Variants in GLI2 observed in about 807,000 individuals in gnomAD.
GLI2 encodes transcription activator GLI2.
GLI2 carries 22 observed loss-of-function variants against 78.9 expected under a neutral mutation model. The observed-to-expected ratio is 0.28, with a 90% confidence interval of 0.20 to 0.40. The LOEUF is 0.40. Ranked by LOEUF, GLI2 falls within the 10% of genes least tolerant of loss-of-function variation. The pLI is 1.00. For synonymous variants in GLI2, 974 were observed against 963.7 expected (o/e 1.01, Z -0.20); for missense variants, 2,097 against 2,213.2 (o/e 0.95, Z 1.05).
chr2:120,795,734 A>G (rs1171249167), intron 1 of GLI2, among the ~76,000 whole-genome samples: 2 of 151,952 alleles, frequency 1.3e-5, no homozygotes, highest in African/African-American at 2.4e-5. Flanking sequence ...AATGCCAGCT[A>G]TCTTCCCCAC....
intron 5 of GLI2, among the ~76,000 whole-genome samples, chr2:120,959,877 A>G (rs1010861906): frequency 1.1e-4 from 16 of 152,200 alleles, no homozygotes; most frequent in African/African-American, 3.9e-4. Context: ...CCAGCAGTGC[A>G]GCTCAGGAGA....
intron 1 of GLI2, among the ~76,000 whole-genome samples, chr2:120,744,073 G>C (rs550765902): frequency 3.3e-5 from 5 of 152,322 alleles, no homozygotes; most frequent in Non-Finnish European, 7.3e-5. Context: ...AGCCTGTGAT[G>C]GTCTTTTCAG....
chr2:120,887,464 T>C (rs1442446613), intron 2 of GLI2, among the ~76,000 whole-genome samples: 4 of 152,270 alleles, frequency 2.6e-5, no homozygotes, highest in Admixed American at 2.0e-4. Context: ...GAGAGAGCTA[T>C]GTATAGCCCA....
chr2:120,976,297 C>T lies in GLI2; in HGVS notation c.1317+1188C>T, dbSNP rs542693022. Among the ~76,000 whole-genome samples the T allele has an allele frequency of 7.3e-4, 111 of 152,342 alleles. 1 individual carries two copies. Among genetic ancestry groups the T allele is most frequent in the African/African-American group, 2.6e-3 (107 of 41,594 alleles). ...TTAGCATTTAGGACACGCCGACTCC[C>T]TCTGCTTCTTCCACTTATGCAACTT... On this transcript the variant is annotated intron_variant, in intron 9 of 13. Transcript: ENST00000361492.
intron 1 of GLI2, among the ~76,000 whole-genome samples, chr2:120,755,167 T>TAA (rs1408515577): frequency 6.6e-6 from 1 of 152,240 alleles, no homozygotes; most frequent in Non-Finnish European, 1.5e-5. Context: ...ACTTTTTAAG[T>TAA]AACCACAAAA....
At chr2:120,981,961 G>A (rs1682734489) in intron 10 of GLI2, among the ~76,000 whole-genome samples, 2 of 152,194 alleles carry the variant, frequency 1.3e-5, no homozygotes, top group South Asian at 4.1e-4. Context: ...CTAGTAAGAA[G>A]GCTGGGTAAC....
intron 2 of GLI2, among the ~76,000 whole-genome samples, chr2:120,872,697 A>C (rs1330584034): frequency 6.6e-6 from 1 of 152,230 alleles, no homozygotes; most frequent in Non-Finnish European, 1.5e-5. Context: ...GATTGCGGAC[A>C]AGATGCTCAA....
chr2:120,743,711 C>T (rs62150664), intron 1 of GLI2, among the ~76,000 whole-genome samples: 32,960 of 152,184 alleles, frequency 0.22, 3,891 homozygotes, highest in Non-Finnish European at 0.27. Context: ...CACTCAATAG[C>T]TGGGTGACCC....
chr2:120,920,446 C>G (rs1439887991), intron 2 of GLI2, among the ~76,000 whole-genome samples: 1 of 152,212 alleles, frequency 6.6e-6, no homozygotes, highest in Non-Finnish European at 1.5e-5. Flanking sequence ...AGGATCATTT[C>G]TAATGGGGCA....
At chr2:120,745,885 A>G (rs1352432140) in intron 1 of GLI2, among the ~76,000 whole-genome samples, 2 of 152,168 alleles carry the variant, frequency 1.3e-5, no homozygotes, top group East Asian at 3.9e-4. Flanking sequence ...GCGCAGGCAG[A>G]TATGTACAGT....
At chr2:120,884,331 A>G (rs1338085374) in intron 2 of GLI2, among the ~76,000 whole-genome samples, 1 of 152,208 alleles carries the variant, frequency 6.6e-6, no homozygotes, top group East Asian at 1.9e-4. Flanking sequence ...ACAGTATTGC[A>G]GTCTTGGGAC....
At chr2:120,954,033 G>A (rs1213978199) in intron 4 of GLI2, among the ~76,000 whole-genome samples, 1 of 152,100 alleles carries the variant, frequency 6.6e-6, no homozygotes, top group Non-Finnish European at 1.5e-5. Flanking sequence ...TAATTTGCAT[G>A]GCCCTGACTC....
chr2:120,983,647 C>T (rs957170949), intron 11 of GLI2, among the ~76,000 whole-genome samples: 1 of 152,306 alleles, frequency 6.6e-6, no homozygotes, highest in East Asian at 1.9e-4. Flanking sequence ...AGGCAGAGCC[C>T]CTATCTGGGC....
At position 120,988,799 on chromosome 2, in the gene GLI2, C is replaced by T. The variant is rs1183656856; in HGVS notation, c.2834C>T (p.Pro945Leu). 2.9e-6 allele frequency: 4 copies of T among 1,388,384 alleles called. No homozygotes were observed. The highest frequency in any genetic ancestry group is 3.7e-6 in the Non-Finnish European group (4 of 1,071,040). The allele number at this position is 1,388,384 out of a possible 1,614,324, so 86.0% of individuals were successfully genotyped here. The change falls in exon 14 of 14, where the codon CCA becomes CTA. Residue 945 changes from proline to leucine, a missense_variant. This residue lies in a region of GLI2 where 1,290 missense variants were observed against 1,261.7 expected (regional missense o/e 1.02). Transcript: ENST00000361492. ...GAAPAFPHEA[P>L]GGGARRASDP... ...GCGCCCGCCTTCCCCCACGAGGCTCCAGGCGGCGGAGCCAGGCGGGCCAGC... is the reference window on the plus strand; with the variant it reads ...GCGCCCGCCTTCCCCCACGAGGCTCTAGGCGGCGGAGCCAGGCGGGCCAGC...
intron 2 of GLI2, among the ~76,000 whole-genome samples, chr2:120,874,733 T>G (rs1688647504): frequency 6.6e-6 from 1 of 152,236 alleles, no homozygotes; most frequent in Non-Finnish European, 1.5e-5. Flanking sequence ...CTCGGCAGCA[T>G]GCTGACTAGT....
At chr2:120,761,425 A>C (rs1683208655) in intron 1 of GLI2, among the ~76,000 whole-genome samples, 1 of 152,170 alleles carries the variant, frequency 6.6e-6, no homozygotes, top group African/African-American at 2.4e-5. Context: ...GAGGCCAAGC[A>C]TTCTTATGGC....
rs1410014503 is a variant in GLI2, at chr2:120,991,504, A to T, written c.*829A>T. On this transcript the variant is annotated 3_prime_UTR_variant, in exon 14 of 14. Coordinates refer to ENST00000361492, the MANE Select transcript of GLI2 (RefSeq NM_001374353.1). ...TCCTGAAAAGAAGACTTGTTTCTAA[A>T]TACCTCGGGGCTGCTGGAGCCGCTG... is the stretch of plus-strand genomic sequence containing the variant. 2.0e-5 allele frequency: 3 copies of T among 152,678 alleles called. No homozygotes were observed. Among genetic ancestry groups the T allele is most frequent in the African/African-American group, 7.2e-5 (3 of 41,436 alleles). 9.5% of individuals were successfully genotyped at this position (152,678 alleles called of 1,614,324 possible).
rs949903285 is a variant in GLI2, at chr2:120,897,240, C to T, written c.149-30121C>T. On this transcript the variant is annotated intron_variant, in intron 2 of 13. Coordinates refer to ENST00000361492, the MANE Select transcript of GLI2 (RefSeq NM_001374353.1). ...CCGTGTTGACTTCCTGTTAGGGGAA[C>T]GAGGATTCCATCCTTTGAGTCCTAA... is the stretch of plus-strand genomic sequence containing the variant. Among the ~76,000 whole-genome samples the T allele has an allele frequency of 7.9e-4, 120 of 152,216 alleles. 1 individual carries two copies. The highest frequency in any genetic ancestry group is 1.4e-3 in the Non-Finnish European group (94 of 68,038).
intron 2 of GLI2, among the ~76,000 whole-genome samples, chr2:120,899,102 G>A (rs970920192): frequency 2.0e-4 from 31 of 152,294 alleles, no homozygotes; most frequent in African/African-American, 7.2e-4. Flanking sequence ...CTCCTCTGAA[G>A]GACAGCAAGC....
Sources: allele counts gnomAD v4.1 joint callset (sites outside exome capture counted in the v4.1 genomes callset), GRCh38; gene constraint gnomAD v4.1.1; regional missense constraint gnomAD v4.1.1; transcripts MANE v1.5; gene names NCBI Gene and HGNC (gene_info 2026-07-23, HGNC 2026-07-21).